Variants in ZNF112 observed in about 807,000 individuals in gnomAD.
ZNF112 encodes the protein zinc finger protein 112, also known as zinc finger protein 112 (Y14).
In ZNF112, 37 loss-of-function variants were observed where a neutral mutation model predicts 77.7. The ratio of observed to expected loss-of-function variants is 0.48; its 90% CI spans 0.37 to 0.63. The LOEUF is 0.63. Among genes scored for constraint, ZNF112 ranks in the 20% least tolerant of loss-of-function variants. The pLI, the probability that ZNF112 is intolerant of heterozygous loss-of-function variation, is 0.00. For synonymous variants in ZNF112, 333 were observed against 363.6 expected, an observed-to-expected ratio of 0.92 and a Z score of 0.96; for missense variants, 950 against 1,077.4, an observed-to-expected ratio of 0.88 and a Z score of 1.66.
intron 1 of ZNF112, among the ~76,000 whole-genome samples, chr19:44,353,567 A>C (rs892525636): frequency 6.6e-6 from 1 of 152,106 alleles, no homozygotes; most frequent in Non-Finnish European, 1.5e-5. Context: ...AACCCAATGT[A>C]AAACTGGGCA....
In ZNF112 at chr19:44,328,540, T is replaced by C. The variant is rs61733037; in HGVS notation, c.1617A>G (p.Arg539=). The change falls in exon 4 of 4, where the codon AGA becomes AGG. Residue 539 remains arginine, a synonymous_variant. Transcript: ENST00000354340. ...TATAAGGTTTCTCTCCTGTGTGGAC[T>C]CTCTGATGAACATTCAGAACTGATC... is the stretch of plus-strand genomic sequence containing the variant. ...NHRSVLNVHQ[R]VHTGEKPYKC... is the part of the protein sequence containing the mutation. The C allele has an allele frequency of 0.051, 81,450 of 1,606,604 alleles. 2,585 individuals are homozygous for C. The highest frequency in any genetic ancestry group is 0.13 in the African/African-American group (9,794 of 74,736).
rs1369879760 is a variant in ZNF112 at position 44,329,332 on chromosome 19, C to A, written c.825G>T (p.Leu275Phe). Residue 275 changes from leucine to phenylalanine, a missense_variant, in exon 4 of 4, where the codon TTG (leucine) becomes TTT (phenylalanine). This residue lies in a region of ZNF112 where 560 missense variants were observed against 557.3 expected (regional missense o/e 1.00). Transcript: ENST00000354340. ...SSSEVHQQFH[L>F]EGKPYTYSSC... ...AACTGTATGTATAGGGCTTCCCTTC[C>A]AAGTGGAACTGCTGATGAACCTCAG... The A allele has an allele frequency of 1.2e-6, 2 of 1,613,648 alleles. No homozygotes were observed. The highest frequency in any genetic ancestry group is 2.7e-5 in the African/African-American group (2 of 74,908).
At chr19:44,342,192 T>C (rs1488613274) in intron 1 of ZNF112, among the ~76,000 whole-genome samples, 1 of 152,138 alleles carries the variant, frequency 6.6e-6, no homozygotes, top group Non-Finnish European at 1.5e-5. Context: ...CATACAAACA[T>C]ATATAGATAA....
Position 44,336,731 on chromosome 19 carries a change from A to G in ZNF112, c.125-13T>C. The G allele has an allele frequency of 6.2e-7, 1 of 1,610,934 alleles. No homozygotes were observed. Among genetic ancestry groups the G allele is most frequent in the Non-Finnish European group, 8.5e-7 (1 of 1,177,232 alleles). ...AAGGGCTGATGTGCTGTAAAGAAGG[A>G]AAGGACAGCAAAAGTTTTTAAGTTT... On this transcript the variant is annotated splice_polypyrimidine_tract_variant and intron_variant, in intron 2 of 3. Coordinates refer to ENST00000354340, the MANE Select transcript of ZNF112 (RefSeq NM_013380.4).
rs1463799941 is a variant in ZNF112 at position 44,329,002 on chromosome 19, T to C, written c.1155A>G (p.Glu385=). 72 of 1,613,860 alleles carry C rather than the reference T, an allele frequency of 4.5e-5. No individual in the cohort carries two copies. Among genetic ancestry groups the C allele is most frequent in the Non-Finnish European group, 6.1e-5 (72 of 1,179,982 alleles). The stretch of plus-strand genomic sequence containing the variant: ...AACTCTGATTAAAGACATTCTCATT[T>C]TCCTCATATTCATGGGGTTCATCCC... ...HTRDEPHEYE[E]NENVFNQSSC... is the part of the protein sequence containing the mutation. The change falls in exon 4 of 4, where the codon GAA becomes GAG. Residue 385 remains glutamate, a synonymous_variant. Transcript: ENST00000354340.
intron 1 of ZNF112, among the ~76,000 whole-genome samples, chr19:44,355,317 T>C (rs534111958): frequency 1.1e-3 from 163 of 152,332 alleles, no homozygotes; most frequent in Non-Finnish European, 1.8e-3. Flanking sequence ...TTATATCTTG[T>C]GGTTAGCATA....
upstream of ZNF112, among the ~76,000 whole-genome samples, chr19:44,360,542 C>T (rs1387140906): frequency 6.6e-6 from 1 of 152,080 alleles, no homozygotes; most frequent in Non-Finnish European, 1.5e-5. Context: ...GATGTCCACC[C>T]CAATCATTTC....
chr19:44,337,612 G>C (rs2123166393), intron 2 of ZNF112, among the ~76,000 whole-genome samples: 1 of 149,330 alleles, frequency 6.7e-6, no homozygotes, highest in East Asian at 2.0e-4. Context: ...CCCTCCCTAA[G>C]GGTTGTATCA....
chr19:44,340,480 G>A lies in ZNF112; in HGVS notation c.60C>T (p.Asp20=). 6.2e-7 allele frequency: 1 copy of A among 1,614,090 alleles called. No individual in the cohort carries two copies. The highest frequency in any genetic ancestry group is 1.6e-4 in the Middle Eastern group (1 of 6,062). The change falls in exon 2 of 4, where the codon GAC becomes GAT. Residue 20 remains aspartate, a synonymous_variant. Coordinates refer to ENST00000354340, the MANE Select transcript of ZNF112 (RefSeq NM_013380.4). ...VFTEEELGLL[D]SVQRKLYRDV... is the part of the protein sequence containing the mutation. ...CTCGGTACAGCTTCCTCTGGACAGA[G>A]TCCAGCAGCCCCAGCTCCTCCTCAG...
chr19:44,348,824 A>G (rs750226732), intron 1 of ZNF112, among the ~76,000 whole-genome samples: 7 of 152,128 alleles, frequency 4.6e-5, no homozygotes, highest in African/African-American at 1.2e-4. Flanking sequence ...TGATGCATAT[A>G]TTAGAAAAGA....
In ZNF112 at chr19:44,340,315, T is replaced by C. The variant is rs114404162; in HGVS notation, c.124+101A>G. ...ATTATTAGGACTCTCGGGCACCTAATCTCAGAGAATAATTTCAGGGGCTTC... is the reference window on the plus strand; with the variant it reads ...ATTATTAGGACTCTCGGGCACCTAACCTCAGAGAATAATTTCAGGGGCTTC... On this transcript the variant is annotated intron_variant, in intron 2 of 3. Transcript: ENST00000354340. The C allele has an allele frequency of 5.4e-4, 810 of 1,503,726 alleles. 1 individual carries two copies. The African/African-American group carries it at 0.01, about 19-fold the overall frequency. The allele number at this position is 1,503,726 out of a possible 1,614,324, so 93.1% of individuals were successfully genotyped here.
At chr19:44,362,688 A>G (rs1970865759) in intron 1 of ZNF112, among the ~76,000 whole-genome samples, 1 of 152,160 alleles carries the variant, frequency 6.6e-6, no homozygotes, top group South Asian at 2.1e-4. Flanking sequence ...GAATGTGAAA[A>G]TATCATTTAT....
intron 1 of ZNF112, among the ~76,000 whole-genome samples, chr19:44,366,338 T>C (rs1242445857): frequency 6.6e-6 from 1 of 152,222 alleles, no homozygotes; most frequent in Non-Finnish European, 1.5e-5. Context: ...TGCTCCTTTT[T>C]TTTCCAGTAT....
At chr19:44,344,867 TAAG>T (rs752366710) in intron 1 of ZNF112, among the ~76,000 whole-genome samples, 4 of 152,184 alleles carry the variant, frequency 2.6e-5, no homozygotes, top group African/African-American at 4.8e-5. Context: ...GCAGAAAATG[TAAG>T]AAGACCAACT....
chr19:44,349,523 A>G (rs1278549944), intron 1 of ZNF112, among the ~76,000 whole-genome samples: 3 of 152,058 alleles, frequency 2.0e-5, no homozygotes, highest in African/African-American at 7.2e-5. Flanking sequence ...CTATGTCAAC[A>G]CTGTCACGCT....
At chr19:44,343,354 C>T (rs952612966) in intron 1 of ZNF112, 25 of 1,459,888 alleles carry the variant, frequency 1.7e-5, no homozygotes, top group Non-Finnish European at 2.1e-5. Context: ...AAAAGGGAAA[C>T]GTATCTTTGT....
At chr19:44,341,137 G>C in intron 1 of ZNF112, 1 of 456,624 alleles carries the variant, frequency 2.2e-6, no homozygotes, top group Non-Finnish European at 4.4e-6. Flanking sequence ...TAAAATGAGT[G>C]ACCACATGTA....
intron 3 of ZNF112, among the ~76,000 whole-genome samples, chr19:44,336,381 T>C (rs1970366324): frequency 6.6e-6 from 1 of 152,156 alleles, no homozygotes; most frequent in Non-Finnish European, 1.5e-5. Context: ...GGGGCAATCA[T>C]GGGGCAGTGC....
Position 44,328,838 on chromosome 19 carries a change from T to C in ZNF112, c.1319A>G (p.Glu440Gly). 1 of 1,614,030 alleles carries C rather than the reference T, an allele frequency of 6.2e-7. No individual in the cohort carries two copies. The highest frequency in any genetic ancestry group is 8.5e-7 in the Non-Finnish European group (1 of 1,179,956). ...VHMEENSYNSEECGNGFSLAS... is the reference protein window; with the variant it reads ...VHMEENSYNSGECGNGFSLAS... ...CAGACTGAAGCCATTACCACACTCCTCAGAATTATATGAATTCTCTTCCAT... is the reference window on the plus strand; with the variant it reads ...CAGACTGAAGCCATTACCACACTCCCCAGAATTATATGAATTCTCTTCCAT... Residue 440 changes from glutamate to glycine, a missense_variant, in exon 4 of 4, where the codon GAG becomes GGG. Around this residue, in one of 3 missense-constraint regions of ZNF112, gnomAD observed 560 missense variants for 557.3 expected, o/e 1.00. Coordinates refer to ENST00000354340, the MANE Select transcript of ZNF112 (RefSeq NM_013380.4).
Sources: allele counts gnomAD v4.1 joint callset (sites outside exome capture counted in the v4.1 genomes callset), GRCh38; gene constraint gnomAD v4.1.1; regional missense constraint gnomAD v4.1.1; transcripts MANE v1.5; gene names NCBI Gene and HGNC (gene_info 2026-07-23, HGNC 2026-07-21).